Variants in HECTD4 observed in about 807,000 individuals in gnomAD.
The protein encoded by HECTD4 is probable E3 ubiquitin-protein ligase HECTD4.
HECTD4 carries 114 observed loss-of-function variants against 471.5 expected under a neutral mutation model. The ratio of observed to expected loss-of-function variants is 0.24; its 90% CI spans 0.21 to 0.28. The LOEUF is 0.28. HECTD4 is among the 10% of genes least tolerant of loss of function. The pLI is 1.00. For synonymous variants in HECTD4, 2,012 were observed against 2,256.0 expected, an observed-to-expected ratio of 0.89 and a Z score of 3.07; for missense variants, 3,866 against 5,651.5, an observed-to-expected ratio of 0.68 and a Z score of 10.13.
At position 112,381,283 on chromosome 12, in the gene HECTD4, G is replaced by T. The variant is rs1249558862; in HGVS notation, c.177+669C>A. ...GGCGACCCCCGGGGCACACAAAAAG[G>T]CCCTGCGGCCTAACGCGCCAGTGAC... On this transcript the variant is annotated intron_variant, in intron 1 of 75. Transcript: ENST00000682272. This position sits in a 1 kb window ranked among gnomAD's most constrained non-coding sequence, Gnocchi z 4.1. Among the ~76,000 whole-genome samples the T allele has an allele frequency of 6.6e-6, 1 of 152,132 alleles. No homozygotes were observed. Among genetic ancestry groups the T allele is most frequent in the African/African-American group, 2.4e-5 (1 of 41,436 alleles).
chr12:112,239,837 C>T lies in HECTD4; in HGVS notation c.5105+44G>A. 1 of 1,555,108 alleles carries T rather than the reference C, an allele frequency of 6.4e-7. No individual in the cohort carries two copies. The highest frequency in any genetic ancestry group is 8.8e-7 in the Non-Finnish European group (1 of 1,139,800). On this transcript the variant is annotated intron_variant, in intron 33 of 75. Transcript: ENST00000682272. The surrounding 1 kb of genome is among the most constrained non-coding windows in gnomAD (Gnocchi z 4.9). ...AAATACTTTCACTTAATCGACTATACTGCAGGGTAACTTACATACAACAAA... is the reference window on the plus strand; with the variant it reads ...AAATACTTTCACTTAATCGACTATATTGCAGGGTAACTTACATACAACAAA...
In HECTD4 at chr12:112,256,742, T is replaced by C. The variant is rs903675854; in HGVS notation, c.3129-224A>G. 11 of 351,684 alleles carry C rather than the reference T, an allele frequency of 3.1e-5. No individual in the cohort carries two copies. In the Admixed American group the frequency reaches 4.7e-4, roughly 15 times the overall value. The allele number at this position is 351,684 out of a possible 1,614,324, so 21.8% of individuals were successfully genotyped here. ...TTATACTTGCTTTTTTTTTTCTTTT[T>C]TGCCTTTTTCCAGGACAAGAAGCAG... On this transcript the variant is annotated intron_variant, in intron 20 of 75. Transcript: ENST00000682272.
intron 1 of HECTD4, among the ~76,000 whole-genome samples, chr12:112,356,405 C>G (rs2036339155): frequency 6.6e-6 from 1 of 152,088 alleles, no homozygotes; most frequent in African/African-American, 2.4e-5. Context: ...CCGTCTCACT[C>G]TCTTTCTGGT....
rs775319232 is a variant in HECTD4 at position 112,184,472 on chromosome 12, C to T, written c.10494G>A (p.Gln3498=). 6.8e-6 allele frequency: 11 copies of T among 1,606,342 alleles called. No individual in the cohort carries two copies. The highest frequency in any genetic ancestry group is 8.5e-6 in the Non-Finnish European group (10 of 1,177,244). The change falls in exon 61 of 76, where the codon CAG becomes CAA. Residue 3498 remains glutamine, a synonymous_variant. Coordinates refer to ENST00000682272, the MANE Select transcript of HECTD4 (RefSeq NM_001388303.1). This position sits in a 1 kb window ranked among gnomAD's most constrained non-coding sequence, Gnocchi z 9.1. ...STSQASICSS[Q]GISQTVSDLS... ...GGTCGCTGACGGTTTGGGAGATGCC[C>T]TGCGAGCTGCAGATGGAGGCCTGGC... is the stretch of plus-strand genomic sequence containing the variant.
chr12:112,272,348 C>G (rs1407628042), intron 11 of HECTD4, among the ~76,000 whole-genome samples: 1 of 152,210 alleles, frequency 6.6e-6, no homozygotes, highest in African/African-American at 2.4e-5. Context: ...CAGCGCCTAG[C>G]CTCATTTATT....
chr12:112,314,867 T>G (rs2035447099), intron 2 of HECTD4, among the ~76,000 whole-genome samples: 1 of 152,230 alleles, frequency 6.6e-6, no homozygotes, highest in African/African-American at 2.4e-5. Flanking sequence ...TATGCTTGGT[T>G]ACTATATCAC....
intron 7 of HECTD4, among the ~76,000 whole-genome samples, chr12:112,296,415 T>C (rs1387024371): frequency 6.6e-6 from 1 of 150,876 alleles, no homozygotes; most frequent in African/African-American, 2.4e-5. Context: ...GCAGAGGATG[T>C]AGGTGCAGAG....
At chr12:112,344,349 A>G (rs1402710718) in intron 1 of HECTD4, among the ~76,000 whole-genome samples, 1 of 152,204 alleles carries the variant, frequency 6.6e-6, no homozygotes, top group Non-Finnish European at 1.5e-5. Context: ...GGGGGGTTAT[A>G]ACTGGTCCTC....
rs1326034404 is a variant in HECTD4, at chr12:112,162,081, G to A, written c.*306C>T. 5 of 295,312 alleles carry A rather than the reference G, an allele frequency of 1.7e-5. No homozygotes were observed. Among genetic ancestry groups the A allele is most frequent in the Non-Finnish European group, 3.2e-5 (5 of 155,820 alleles). The allele number at this position is 295,312 out of a possible 1,614,324, so 18.3% of individuals were successfully genotyped here. A position where few individuals can be genotyped will look rare whatever the true frequency, so the allele number is the denominator to read the frequency against. On this transcript the variant is annotated 3_prime_UTR_variant, in exon 76 of 76. Coordinates refer to ENST00000682272, the MANE Select transcript of HECTD4 (RefSeq NM_001388303.1). The surrounding 1 kb of genome is among the most constrained non-coding windows in gnomAD (Gnocchi z 5.2). The stretch of plus-strand genomic sequence containing the variant: ...ATGGGGAACCAGCTGGGGCCTTATG[G>A]CATTAGAATCTGGTGGCCATGAGGG...
chr12:112,208,835 T>C (rs1593931687), intron 50 of HECTD4, among the ~76,000 whole-genome samples: 1 of 151,644 alleles, frequency 6.6e-6, no homozygotes, highest in Admixed American at 6.6e-5. Context: ...ATGAGTATAA[T>C]TCATTCAATT....
chr12:112,309,488 T>C (rs2035332297), intron 5 of HECTD4, 73 bp downstream of exon 5: 2 of 692,736 alleles, frequency 2.9e-6, no homozygotes, highest in Admixed American at 4.8e-5. Context: ...CTACCCACAG[T>C]GTCTTCTTCA....
In HECTD4 at chr12:112,243,821, A is replaced by C; in HGVS notation, c.4649+53T>G. The C allele has an allele frequency of 1.2e-6, 2 of 1,610,444 alleles. No individual in the cohort carries two copies. The highest frequency in any genetic ancestry group is 2.2e-5 in the South Asian group (2 of 90,960). On this transcript the variant is annotated intron_variant, in intron 30 of 75. Transcript: ENST00000682272. The surrounding 1 kb of genome is among the most constrained non-coding windows in gnomAD (Gnocchi z 6.6). ...AAACACACTCAGGGAGCTTGTTTTG[A>C]TGAATGCATTCAGCTGCATGTGGGA...
Position 112,179,150 on chromosome 12 carries a change from G to C in HECTD4, c.11211+24C>G, listed in dbSNP as rs371830252. ...TGCAGGGCACCCAAGGCCCGGCCTG[G>C]GTATGGTGGGGACGGGCAGCTACCT... On this transcript the variant is annotated intron_variant, in intron 63 of 75. Coordinates refer to ENST00000682272, the MANE Select transcript of HECTD4 (RefSeq NM_001388303.1). The surrounding 1 kb of genome is among the most constrained non-coding windows in gnomAD (Gnocchi z 4.3). 3.1e-6 allele frequency: 5 copies of C among 1,613,408 alleles called. No homozygotes were observed. Among genetic ancestry groups the C allele is most frequent in the Non-Finnish European group, 4.2e-6 (5 of 1,179,682 alleles).
chr12:112,201,163 G>A (rs1051584058), intron 54 of HECTD4: 4 of 441,058 alleles, frequency 9.1e-6, no homozygotes, highest in African/African-American at 2.0e-5. Flanking sequence ...GTGTCATCTC[G>A]GCACACTGCA....
At position 112,163,272 on chromosome 12, in the gene HECTD4, GGA is replaced by G; in HGVS notation, c.12898-10_12898-9del. The G allele has an allele frequency of 1.9e-6, 3 of 1,607,642 alleles. No homozygotes were observed. The highest frequency in any genetic ancestry group is 1.7e-6 in the Non-Finnish European group (2 of 1,175,462). ...TTGGTACATGGTGTGGGCCTGGGGAGGAGAGGTCCAGGTGTCAGGAGCCCTGG... is the reference window on the plus strand; with the variant it reads ...TTGGTACATGGTGTGGGCCTGGGGAGGAGGTCCAGGTGTCAGGAGCCCTGG... On this transcript the variant is annotated splice_polypyrimidine_tract_variant and intron_variant, in intron 74 of 75. Coordinates refer to ENST00000682272, the MANE Select transcript of HECTD4 (RefSeq NM_001388303.1). The surrounding 1 kb of genome is among the most constrained non-coding windows in gnomAD (Gnocchi z 8.2).
chr12:112,204,654 C>G, intron 52 of HECTD4, 31 bp from the exon 53 acceptor site: 1 of 1,576,494 alleles, frequency 6.3e-7, no homozygotes, highest in Non-Finnish European at 8.7e-7. Flanking sequence ...GGGTAACTCC[C>G]CAAAGAGTAC....
chr12:112,297,115 G>A (rs1280857676), intron 7 of HECTD4, among the ~76,000 whole-genome samples: 1 of 149,598 alleles, frequency 6.7e-6, no homozygotes, highest in African/African-American at 2.5e-5. Flanking sequence ...TAGGTGCTGT[G>A]GATGTAGGTG....
chr12:112,183,510 ACT>A (rs575014385), intron 61 of HECTD4, among the ~76,000 whole-genome samples: 4 of 152,146 alleles, frequency 2.6e-5, no homozygotes, highest in Non-Finnish European at 4.4e-5. Context: ...CTGTGGCTTT[ACT>A]CTGATTCCCA....
chr12:112,264,152 T>C lies in HECTD4; in HGVS notation c.2680A>G (p.Ile894Val). 1 of 1,607,732 alleles carries C rather than the reference T, an allele frequency of 6.2e-7. No individual in the cohort carries two copies. The highest frequency in any genetic ancestry group is 8.5e-7 in the Non-Finnish European group (1 of 1,176,958). The change falls in exon 17 of 76, where the codon ATT becomes GTT. Residue 894 changes from isoleucine to valine, a missense_variant. By Grantham distance (29) the Ile-to-Val change is conservative (BLOSUM62 3). Transcript: ENST00000682272. ...AVQNHLLSNT[I>V]LIKPDENDDS... ...TCATTCTCATCAGGTTTAATCAAAA[T>C]AGTGTTACTGAGAAGGTGATTCTGA...
Sources: allele counts gnomAD v4.1 joint callset (sites outside exome capture counted in the v4.1 genomes callset), GRCh38; gene constraint gnomAD v4.1.1; non-coding constraint Gnocchi (gnomAD v3.1); transcripts MANE v1.5; gene names NCBI Gene and HGNC (gene_info 2026-07-23, HGNC 2026-07-21).